KLF12: variants seen among roughly 807,000 people sequenced by gnomAD.
KLF12 encodes the protein Krueppel-like factor 12.
In KLF12, 9 loss-of-function variants were observed where a neutral mutation model predicts 37.8. The ratio of observed to expected loss-of-function variants is 0.24; its 90% CI spans 0.14 to 0.42. The LOEUF is 0.42. Ranked by LOEUF, KLF12 falls within the 10% of genes least tolerant of loss-of-function variation. The pLI is 1.00. For missense variants in KLF12, 411 were observed against 516.0 expected (o/e 0.80, Z 1.97); for synonymous variants, 208 against 202.1 (o/e 1.03, Z -0.25).
intron 7 of KLF12, among the ~76,000 whole-genome samples, chr13:73,711,227 G>A (rs1875374844): frequency 6.6e-6 from 1 of 152,224 alleles, no homozygotes; most frequent in South Asian, 2.1e-4. Flanking sequence ...AGCAGCAAGT[G>A]CTGATGTAGA....
intron 3 of KLF12, among the ~76,000 whole-genome samples, chr13:73,913,070 G>C (rs114940401): frequency 6.6e-6 from 1 of 152,072 alleles, no homozygotes; most frequent in African/African-American, 2.4e-5. Context: ...ACATTTCTCC[G>C]ACACGTATCT....
chr13:73,899,281 G>A (rs539166254), intron 3 of KLF12, among the ~76,000 whole-genome samples: 9 of 152,274 alleles, frequency 5.9e-5, no homozygotes, highest in African/African-American at 1.2e-4. Flanking sequence ...AGACCAAGCC[G>A]GACCAGACTA....
the KLF12 span, among the ~76,000 whole-genome samples, chr13:74,270,565 A>G: frequency 6.6e-6 from 1 of 152,170 alleles, no homozygotes; most frequent in Admixed American, 6.5e-5. Context: ...TTGTGTTGGG[A>G]CCTCGCAAAC....
At chr13:73,998,023 T>A (rs1892168055) in intron 1 of KLF12, among the ~76,000 whole-genome samples, 1 of 152,146 alleles carries the variant, frequency 6.6e-6, no homozygotes, top group African/African-American at 2.4e-5. Flanking sequence ...AGAGAATGAT[T>A]TTTAAATTCT....
At chr13:74,168,081 C>A in the KLF12 span, among the ~76,000 whole-genome samples, 2 of 152,134 alleles carry the variant, frequency 1.3e-5, no homozygotes, top group African/African-American at 2.4e-5. Context: ...CTTTCATTTC[C>A]TATATAAATT....
intron 1 of KLF12, among the ~76,000 whole-genome samples, chr13:74,074,811 G>C (rs1303955139): frequency 6.6e-6 from 1 of 152,006 alleles, no homozygotes; most frequent in Non-Finnish European, 1.5e-5. Flanking sequence ...GGCTAAAGCT[G>C]GCATGTTCCT....
the KLF12 span, among the ~76,000 whole-genome samples, chr13:74,193,459 CA>C: frequency 6.6e-6 from 1 of 152,152 alleles, no homozygotes; most frequent in Non-Finnish European, 1.5e-5. Flanking sequence ...ATAAATGGTA[CA>C]GCCAGGATTC....
At chr13:73,999,048 C>G (rs1367715862) in intron 1 of KLF12, among the ~76,000 whole-genome samples, 1 of 150,432 alleles carries the variant, frequency 6.6e-6, no homozygotes, top group Non-Finnish European at 1.5e-5. Flanking sequence ...GAGAAGCAAA[C>G]TAGAGTTTTT....
At chr13:73,849,367 A>T (rs1885194209) in intron 3 of KLF12, among the ~76,000 whole-genome samples, 1 of 113,086 alleles carries the variant, frequency 8.8e-6, no homozygotes, top group Non-Finnish European at 1.8e-5. Flanking sequence ...CAACAGAGGG[A>T]GACTCCATAA....
intron 2 of KLF12, among the ~76,000 whole-genome samples, chr13:73,944,400 C>G (rs1890328655): frequency 6.6e-6 from 1 of 152,172 alleles, no homozygotes; most frequent in Non-Finnish European, 1.5e-5. Flanking sequence ...TGGAAGGAAA[C>G]AGAAGGCAAG....
chr13:74,234,465 A>G, the KLF12 span, among the ~76,000 whole-genome samples: 1 of 152,214 alleles, frequency 6.6e-6, no homozygotes, highest in Admixed American at 6.5e-5. Context: ...CTTACATGAG[A>G]TTATGTTTGC....
At chr13:74,123,802 G>A (rs867394311) in intron 1 of KLF12, among the ~76,000 whole-genome samples, 15 of 152,212 alleles carry the variant, frequency 9.9e-5, no homozygotes, top group Admixed American at 3.9e-4. Flanking sequence ...AAGTCAGAAA[G>A]ACAGTAGTAA....
At chr13:74,239,526 A>T in the KLF12 span, among the ~76,000 whole-genome samples, 45 of 117,856 alleles carry the variant, frequency 3.8e-4, no homozygotes, top group African/African-American at 1.3e-3. Flanking sequence ...GATCTGTCTA[A>T]TGTTGACAGT....
At chr13:73,944,701 T>C (rs924947450) in intron 2 of KLF12, among the ~76,000 whole-genome samples, 2 of 152,206 alleles carry the variant, frequency 1.3e-5, no homozygotes, top group South Asian at 2.1e-4. Context: ...TTCTGGTATA[T>C]GTTTTGCTCA....
At chr13:74,232,068 G>A in the KLF12 span, among the ~76,000 whole-genome samples, 1 of 152,150 alleles carries the variant, frequency 6.6e-6, no homozygotes, top group African/African-American at 2.4e-5. Context: ...CAAGATCTGG[G>A]AGTAACATAA....
At position 74,089,483 on chromosome 13, in the gene KLF12, T is replaced by C. The variant is rs143705237; in HGVS notation, c.-32+44256A>G. 4.9e-3 allele frequency among the ~76,000 whole-genome samples: 746 copies of C among 152,204 alleles called. 7 individuals carry two copies. The highest frequency in any genetic ancestry group is 0.016 in the African/African-American group (684 of 41,536). On this transcript the variant is annotated intron_variant, in intron 1 of 7. Coordinates refer to ENST00000377669, the MANE Select transcript of KLF12 (RefSeq NM_007249.5). ...ACCTAATTATCTAGGTATTTAAAAA[T>C]TGTGACAAAGATACTACTATAAAAC...
rs201746011 is a variant in KLF12, at chr13:74,052,046, G to GA, written c.-31-56994dup. Among the ~76,000 whole-genome samples the GA allele has an allele frequency of 4.1e-3, 618 of 150,176 alleles. 2 individuals are homozygous for GA. The highest frequency in any genetic ancestry group is 0.012 in the African/African-American group (510 of 41,034). ...CAATAAACATAAAATGAAACTTAAA[G>GA]AAAAAAAAAGAAGATAAAGATTCCA... On this transcript the variant is annotated intron_variant, in intron 1 of 7. Transcript: ENST00000377669.
chr13:73,964,551 C>T (rs934205712), intron 2 of KLF12, among the ~76,000 whole-genome samples: 1 of 148,336 alleles, frequency 6.7e-6, no homozygotes, highest in African/African-American at 2.5e-5. Flanking sequence ...GGGTGGATCA[C>T]GAGGTCAGGA....
At chr13:73,872,111 T>C (rs374646756) in intron 3 of KLF12, among the ~76,000 whole-genome samples, 31 of 152,258 alleles carry the variant, frequency 2.0e-4, no homozygotes, top group African/African-American at 7.0e-4. Flanking sequence ...TTGGGTCCTG[T>C]GCCTCATATA....
Sources: allele counts gnomAD v4.1 joint callset (sites outside exome capture counted in the v4.1 genomes callset), GRCh38; gene constraint gnomAD v4.1.1; transcripts MANE v1.5; gene names NCBI Gene and HGNC (gene_info 2026-07-23, HGNC 2026-07-21).